Variants in GRIA1 observed in about 807,000 individuals in gnomAD.
The protein encoded by GRIA1 is glutamate ionotropic receptor AMPA type subunit 1.
Under a neutral mutation model 99.2 loss-of-function variants are expected in GRIA1, and 31 were observed. That is an observed-to-expected ratio of 0.31 (90% CI 0.23 to 0.42). The LOEUF (loss-of-function observed/expected upper bound fraction) is 0.42. Among genes scored for constraint, GRIA1 ranks in the 10% least tolerant of loss-of-function variants. The pLI, the probability that GRIA1 is intolerant of heterozygous loss-of-function variation, is 1.00. For missense variants in GRIA1, 782 were observed against 1,157.5 expected (o/e 0.68, Z 4.71); for synonymous variants, 438 against 432.4 (o/e 1.01, Z -0.16).
At chr5:153,785,800 A>G (rs1764931809) in intron 13 of GRIA1, among the ~76,000 whole-genome samples, 1 of 152,184 alleles carries the variant, frequency 6.6e-6, no homozygotes. Flanking sequence ...ACAACATCCC[A>G]ACAAATCATA....
At position 153,805,465 on chromosome 5, in the gene GRIA1, G is replaced by A. The variant is rs1008411152; in HGVS notation, c.2520+2975G>A. Among the ~76,000 whole-genome samples, 11 of 152,238 alleles carry A rather than the reference G, an allele frequency of 7.2e-5. No homozygotes were observed. The East Asian group carries it at 9.6e-4, about 13-fold the overall frequency. On this transcript the variant is annotated intron_variant, in intron 15 of 15. Transcript: ENST00000285900. ...GCTCTTAGTTAAAGCAAGTATTGCCGTCAAAACCACCCAGTCTAGGAATTA... is the reference window on the plus strand; with the variant it reads ...GCTCTTAGTTAAAGCAAGTATTGCCATCAAAACCACCCAGTCTAGGAATTA...
Position 153,607,837 on chromosome 5 carries a change from T to C in GRIA1, c.221-39091T>C, listed in dbSNP as rs1392579414. 2.0e-5 allele frequency among the ~76,000 whole-genome samples: 3 copies of C among 152,238 alleles called. No individual in the cohort carries two copies. The East Asian group carries it at 5.8e-4, about 29-fold the overall frequency. On this transcript the variant is annotated intron_variant, in intron 2 of 15. Coordinates refer to ENST00000285900, the MANE Select transcript of GRIA1 (RefSeq NM_000827.4). Reference sequence around the variant, plus strand: ...TTTTATTCAGTCAGCATTATTTATATTTACCCATATATTTATAATTTTTAT... The same window carrying C: ...TTTTATTCAGTCAGCATTATTTATACTTACCCATATATTTATAATTTTTAT...
At chr5:153,625,030 G>A (rs1441209887) in intron 2 of GRIA1, among the ~76,000 whole-genome samples, 1 of 152,198 alleles carries the variant, frequency 6.6e-6, no homozygotes, top group African/African-American at 2.4e-5. Flanking sequence ...GCACAGAGAA[G>A]ATGCCTTGGC....
At chr5:153,586,515 A>G (rs1228978541) in intron 2 of GRIA1, among the ~76,000 whole-genome samples, 1 of 152,248 alleles carries the variant, frequency 6.6e-6, no homozygotes, top group East Asian at 1.9e-4. Flanking sequence ...CCCAAGTTAT[A>G]TGAATTTAAC....
intron 13 of GRIA1, among the ~76,000 whole-genome samples, chr5:153,778,665 A>G (rs1389809336): frequency 6.6e-6 from 1 of 151,532 alleles, no homozygotes; most frequent in African/African-American, 2.4e-5. Flanking sequence ...ACACACACAC[A>G]CACACACACA....
At chr5:153,688,175 TCTC>T (rs1757471648) in intron 8 of GRIA1, among the ~76,000 whole-genome samples, 1 of 152,078 alleles carries the variant, frequency 6.6e-6, no homozygotes, top group South Asian at 2.1e-4. Flanking sequence ...GACTGGAAGA[TCTC>T]CTCCTTCAGG....
intron 2 of GRIA1, among the ~76,000 whole-genome samples, chr5:153,565,344 G>A (rs17114798): frequency 2.0e-5 from 3 of 152,124 alleles, no homozygotes; most frequent in Non-Finnish European, 4.4e-5. Context: ...ACTAAACAAA[G>A]AAAAGTGCTT....
intron 2 of GRIA1, among the ~76,000 whole-genome samples, chr5:153,593,071 A>G (rs940854888): frequency 2.0e-5 from 3 of 152,130 alleles, no homozygotes; most frequent in Admixed American, 2.0e-4. Context: ...TTGGAGACCA[A>G]CCTGGCCAAG....
chr5:153,669,119 A>G (rs1376905419), intron 5 of GRIA1, among the ~76,000 whole-genome samples: 1 of 152,232 alleles, frequency 6.6e-6, no homozygotes, highest in Non-Finnish European at 1.5e-5. Flanking sequence ...GCAAATAAGT[A>G]TTGGGTGTCT....
At chr5:153,645,071 A>C (rs2149451042) in intron 2 of GRIA1, among the ~76,000 whole-genome samples, 1 of 152,262 alleles carries the variant, frequency 6.6e-6, no homozygotes, top group South Asian at 2.1e-4. Context: ...TGTTGTTTAA[A>C]TAAGATCTCT....
intron 2 of GRIA1, among the ~76,000 whole-genome samples, chr5:153,516,421 C>A (rs1229584428): frequency 5.9e-5 from 9 of 151,674 alleles, no homozygotes; most frequent in Non-Finnish European, 1.2e-4. Flanking sequence ...CCCCACAGCA[C>A]CCTTTGGGGG....
In GRIA1 at chr5:153,722,476, A is replaced by G. The variant is rs529781490; in HGVS notation, c.1823+16409A>G. The stretch of plus-strand genomic sequence containing the variant: ...TTTTACTTTTAGATCTAGGTGTTCT[A>G]TAGGTATGTGTGAGAGAGAGGGTCA... On this transcript the variant is annotated intron_variant, in intron 11 of 15. Coordinates refer to ENST00000285900, the MANE Select transcript of GRIA1 (RefSeq NM_000827.4). Among the ~76,000 whole-genome samples the G allele has an allele frequency of 1.4e-4, 22 of 152,274 alleles. No homozygotes were observed. The East Asian group carries it at 4.2e-3, about 29-fold the overall frequency.
At chr5:153,746,097 G>A (rs1762138162) in intron 11 of GRIA1, among the ~76,000 whole-genome samples, 1 of 152,198 alleles carries the variant, frequency 6.6e-6, no homozygotes, top group Admixed American at 6.5e-5. Context: ...ACAAATGGCA[G>A]GGGGCAGGGG....
At chr5:153,732,261 T>G (rs980666098) in intron 11 of GRIA1, among the ~76,000 whole-genome samples, 1 of 104,002 alleles carries the variant, frequency 9.6e-6, no homozygotes, top group Non-Finnish European at 1.8e-5. Flanking sequence ...ATTGCTGGAG[T>G]GTATTTAGTT....
At chr5:153,661,945 A>ATACCC (rs1755401704) in intron 5 of GRIA1, among the ~76,000 whole-genome samples, 1 of 152,162 alleles carries the variant, frequency 6.6e-6, no homozygotes, top group African/African-American at 2.4e-5. Flanking sequence ...AGTGATGGAA[A>ATACCC]AGTCCTACCT....
chr5:153,721,542 C>T (rs565087468), intron 11 of GRIA1, among the ~76,000 whole-genome samples: 21 of 152,168 alleles, frequency 1.4e-4, no homozygotes, highest in Admixed American at 3.3e-4. Flanking sequence ...CAGGAGTAGC[C>T]GCTCCCCTGA....
chr5:153,585,237 C>T (rs1292589659), intron 2 of GRIA1, among the ~76,000 whole-genome samples: 1 of 148,774 alleles, frequency 6.7e-6, no homozygotes, highest in African/African-American at 2.5e-5. Context: ...GGCCTCACTT[C>T]CTTCCCCCTC....
intron 4 of GRIA1, among the ~76,000 whole-genome samples, chr5:153,654,242 G>A (rs1754775129): frequency 6.6e-6 from 1 of 152,084 alleles, no homozygotes; most frequent in Non-Finnish European, 1.5e-5. Context: ...TATAGGTTGG[G>A]GAATAGATAG....
intron 2 of GRIA1, among the ~76,000 whole-genome samples, chr5:153,575,600 GC>G (rs1184354949): frequency 6.6e-6 from 1 of 152,156 alleles, no homozygotes; most frequent in East Asian, 1.9e-4. Context: ...AGGGAACAGG[GC>G]TTTCCCAGAG....
Sources: gnomAD v4.1 joint callset for allele counts (sites outside exome capture counted in the v4.1 genomes callset) on GRCh38, gnomAD v4.1.1 for gene constraint, MANE v1.5 for transcripts, NCBI Gene and HGNC (gene_info 2026-07-23, HGNC 2026-07-21) for gene names.